TLE2: variants seen among roughly 807,000 people sequenced by gnomAD.
The protein encoded by TLE2 is TLE family member 2, transcriptional corepressor.
In TLE2, 74 loss-of-function variants were observed where a neutral mutation model predicts 97.2. The ratio of observed to expected loss-of-function variants is 0.76; its 90% confidence interval spans 0.63 to 0.92. TLE2 has a LOEUF of 0.92. Among genes scored for constraint, TLE2 ranks in the 40% least tolerant of loss-of-function variants. The pLI, the probability that TLE2 is intolerant of heterozygous loss-of-function variation, is 0.00. For missense variants in TLE2, 1,038 were observed against 1,008.7 expected, an observed-to-expected ratio of 1.03 and a Z score of -0.39; for synonymous variants, 499 against 432.1, an observed-to-expected ratio of 1.15 and a Z score of -1.92.
intron 1 of TLE2, among the ~76,000 whole-genome samples, chr19:3,040,998 T>TATATATATATATATATATATATATAC (rs1568256466): frequency 6.8e-5 from 2 of 29,432 alleles, no homozygotes; most frequent in African/African-American, 4.2e-4. Flanking sequence ...CATTTATATA[T>TATATATATATATATATATATATATAC]ATATATATAT....
At chr19:3,025,817 A>AGG (rs59586095) in intron 4 of TLE2, among the ~76,000 whole-genome samples, 12 of 151,832 alleles carry the variant, frequency 7.9e-5, no homozygotes, top group African/African-American at 1.5e-4. Context: ...CACCCCATAA[A>AGG]GGGGGGTCTA....
At chr19:3,044,135 T>C (rs1472322109) in intron 1 of TLE2, among the ~76,000 whole-genome samples, 1 of 151,592 alleles carries the variant, frequency 6.6e-6, no homozygotes, top group Non-Finnish European at 1.5e-5. Context: ...ACCTTGCCAC[T>C]GCCCTCCAGC....
At position 3,008,844 on chromosome 19, in the gene TLE2, C is replaced by A. The variant is rs780456566; in HGVS notation, c.1250+25G>T. 3.9e-5 allele frequency: 60 copies of A among 1,521,266 alleles called. No homozygotes were observed. In the Middle Eastern group the frequency reaches 7.3e-4, roughly 18 times the overall value. 94.2% of individuals were successfully genotyped at this position (1,521,266 alleles called of 1,614,324 possible). Reference sequence around the variant, plus strand: ...TGGGGGGCTGGCCCGGGACCCCAGGCAGGGAGCCCCACCCTGGTACTCACG... The same window carrying A: ...TGGGGGGCTGGCCCGGGACCCCAGGAAGGGAGCCCCACCCTGGTACTCACG... On this transcript the variant is annotated intron_variant, in intron 14 of 19. Coordinates refer to ENST00000262953, the MANE Select transcript of TLE2 (RefSeq NM_003260.5).
At chr19:3,034,644 A>AGCCTCCTGTCTTCTTC (rs1419272443) in intron 1 of TLE2, among the ~76,000 whole-genome samples, 5 of 151,596 alleles carry the variant, frequency 3.3e-5, no homozygotes, top group East Asian at 1.9e-4. Flanking sequence ...CTTCTCCCCC[A>AGCCTCCTGTCTTCTTC]GCCTCCTGTC....
chr19:3,014,556 A>C lies in TLE2; in HGVS notation c.723+14T>G, dbSNP rs1599218573. On this transcript the variant is annotated intron_variant, in intron 10 of 19. Transcript: ENST00000262953. The stretch of plus-strand genomic sequence containing the variant: ...TGCCCAGAGTCGGGGAAGAGGCTGG[A>C]CCCCTGGACTCACCTCGTCCACCAC... The C allele has an allele frequency of 6.4e-7, 1 of 1,568,466 alleles. No individual in the cohort carries two copies. The highest frequency in any genetic ancestry group is 8.6e-7 in the Non-Finnish European group (1 of 1,156,136).
chr19:3,013,791 C>G lies in TLE2; in HGVS notation c.751G>C (p.Ala251Pro). ...GGTACCTTTCCGCAGGGGGTGGTAG[C>G]CGGGCTGGGGGGCTCTGAGGGTTGG... ...EDQPSEPPSP[A>P]TTPCGKVPIC... is the part of the protein sequence containing the mutation. The change falls in exon 11 of 20, where the codon GCT becomes CCT. Residue 251 changes from alanine (A) to proline (P), a missense_variant. Ala to Pro is a conservative substitution (Grantham distance 27). Coordinates refer to ENST00000262953, the MANE Select transcript of TLE2 (RefSeq NM_003260.5). The G allele has an allele frequency of 6.4e-7, 1 of 1,555,320 alleles. No individual in the cohort carries two copies. The highest frequency in any genetic ancestry group is 8.7e-7 in the Non-Finnish European group (1 of 1,154,522).
At chr19:3,027,582 C>T (rs1444873819) in intron 4 of TLE2, among the ~76,000 whole-genome samples, 2 of 152,206 alleles carry the variant, frequency 1.3e-5, no homozygotes, top group East Asian at 3.8e-4. Flanking sequence ...TGCCCACTGC[C>T]TGCATCTCTG....
chr19:2,997,902 G>A lies in TLE2; in HGVS notation c.2178C>T (p.Tyr726=), dbSNP rs1336786557. The A allele has an allele frequency of 4.3e-6, 7 of 1,613,088 alleles. No individual in the cohort carries two copies. In the Admixed American group the frequency reaches 5.0e-5, roughly 12 times the overall value. The part of the protein sequence containing the change: ...LSCDISRNNK[Y]IVTGSGDKKA... ...TCTTGTCCCCCGAGCCTGTCACGAT[G>A]TATTTGTTATTTCTGGAGATGTCAC... is the stretch of plus-strand genomic sequence containing the variant. The change falls in exon 20 of 20, where the codon TAC becomes TAT. Residue 726 remains tyrosine, a synonymous_variant. Coordinates refer to ENST00000262953, the MANE Select transcript of TLE2 (RefSeq NM_003260.5).
intron 5 of TLE2, among the ~76,000 whole-genome samples, chr19:3,020,931 C>CA (rs1016393904): frequency 7.3e-5 from 11 of 150,336 alleles, no homozygotes; most frequent in African/African-American, 2.5e-4. Context: ...ACTAAAAATA[C>CA]AAAAAAAATT....
chr19:3,047,516 C>CCG (rs542646482), upstream of TLE2: 1 of 151,442 alleles, frequency 6.6e-6, no homozygotes, highest in South Asian at 2.1e-4. Flanking sequence ...TGACCCCCCC[C>CCG]CAGGCATCCT....
Position 3,019,434 on chromosome 19 carries a change from T to C in TLE2, c.399A>G (p.Ala133=). 2 of 1,532,126 alleles carry C rather than the reference T, an allele frequency of 1.3e-6. No homozygotes were observed. Among genetic ancestry groups the C allele is most frequent in the South Asian group, 1.2e-5 (1 of 83,546 alleles). 94.9% of individuals were successfully genotyped at this position (1,532,126 alleles called of 1,614,324 possible). A position where few individuals can be genotyped will look rare whatever the true frequency, so the allele number is the denominator to read the frequency against. ...GGCGGGGGGTGAGGGGCACAGGGGG[T>C]GCGTGGTGGGACAGCGGCTGGAGCT... is the stretch of plus-strand genomic sequence containing the variant. The part of the protein sequence containing the change: ...GQQLQPLSHH[A]PPVPLTPRPA... The change falls in exon 7 of 20, where the codon GCA becomes GCG. Residue 133 remains alanine (A), a synonymous_variant. Coordinates refer to ENST00000262953, the MANE Select transcript of TLE2 (RefSeq NM_003260.5). The surrounding 1 kb of genome is among the most constrained non-coding windows in gnomAD (Gnocchi z 5.1).
At chr19:3,043,727 G>A (rs1473861322) in intron 1 of TLE2, among the ~76,000 whole-genome samples, 4 of 147,280 alleles carry the variant, frequency 2.7e-5, no homozygotes, top group East Asian at 2.0e-4. Flanking sequence ...GGAGAATGGC[G>A]TGAACCCGGG....
intron 2 of TLE2, 43 bp from the exon 3 acceptor site, chr19:3,028,425 G>A (rs776536912): frequency 1.3e-6 from 2 of 1,551,378 alleles, no homozygotes; most frequent in South Asian, 2.4e-5. Flanking sequence ...CCCGCCCCAT[G>A]TGGGCCGGCT....
chr19:3,045,601 G>C (rs1246300096), intron 1 of TLE2: 1 of 319,646 alleles, frequency 3.1e-6, no homozygotes, highest in African/African-American at 2.2e-5. Context: ...CGGATCACTT[G>C]AGGTCAGGAG....
intron 7 of TLE2, 27 bp from the exon 8 acceptor site, chr19:3,017,886 G>C: frequency 1.9e-6 from 3 of 1,609,346 alleles, no homozygotes; most frequent in South Asian, 1.1e-5. Flanking sequence ...GGGATAAAGA[G>C]AAAGAAGGAG....
chr19:2,998,236 AATGTGTGTGT>A (rs2089262480), intron 19 of TLE2, among the ~76,000 whole-genome samples: 1 of 85,136 alleles, frequency 1.2e-5, no homozygotes, highest in Non-Finnish European at 2.2e-5. Flanking sequence ...ACGCCCGGCC[AATGTGTGTGT>A]GTGTGTGTGT....
chr19:3,008,455 CTTTTTTT>C (rs34168841), intron 14 of TLE2, among the ~76,000 whole-genome samples: 6 of 143,476 alleles, frequency 4.2e-5, no homozygotes, highest in East Asian at 4.1e-4. Flanking sequence ...TTTCTTTTTT[CTTTTTTT>C]TTTTTTGAGA....
At chr19:3,032,402 T>C (rs532501875), upstream of TLE2, among the ~76,000 whole-genome samples, 175 of 152,110 alleles carry the variant, frequency 1.2e-3, no homozygotes, top group Non-Finnish European at 2.2e-3. The surrounding 1 kb of genome is among the most constrained non-coding windows in gnomAD (Gnocchi z 4.1). Flanking sequence ...CACGCCTGGC[T>C]AATTTTTATG....
chr19:3,033,100 C>T (rs2090038177), upstream of TLE2, among the ~76,000 whole-genome samples: 1 of 151,864 alleles, frequency 6.6e-6, no homozygotes, highest in South Asian at 2.1e-4. Context: ...GCAACCTCCG[C>T]CTCCCAGGTT....
Sources: allele counts gnomAD v4.1 joint callset (sites outside exome capture counted in the v4.1 genomes callset), GRCh38; gene constraint gnomAD v4.1.1; non-coding constraint Gnocchi (gnomAD v3.1); transcripts MANE v1.5; gene names NCBI Gene and HGNC (gene_info 2026-07-23, HGNC 2026-07-21).